IL1RAPL2: variants seen among roughly 807,000 people sequenced by gnomAD.
The protein encoded by IL1RAPL2 is interleukin 1 receptor accessory protein like 2, also known as X-linked interleukin-1 receptor accessory protein-like 2.
A neutral mutation model predicts 44.1 loss-of-function variants in IL1RAPL2; 3 were observed. The ratio of observed to expected loss-of-function variants is 0.07; its 90% CI spans 0.03 to 0.18. The LOEUF is 0.18. Among genes scored for constraint, IL1RAPL2 ranks in the 10% least tolerant of loss-of-function variants. The pLI is 1.00. For synonymous variants in IL1RAPL2, 181 were observed against 178.8 expected (o/e 1.01, Z -0.10); for missense variants, 391 against 496.4 (o/e 0.79, Z 2.02).
At chrX:105,429,317 G>A (rs142740566) in intron 5 of IL1RAPL2, among the ~76,000 whole-genome samples, 42 of 111,950 alleles carry the variant, frequency 3.8e-4, no homozygotes, top group African/African-American at 1.3e-3. Flanking sequence ...AGCTCTAGGA[G>A]CATCATGAAA....
intron 2 of IL1RAPL2, among the ~76,000 whole-genome samples, chrX:105,004,242 A>G (rs896778303): frequency 9.1e-6 from 1 of 110,419 alleles, no homozygotes; most frequent in Non-Finnish European, 1.9e-5. Context: ...CTTGGTTTCA[A>G]ATGATGAGTG....
At chrX:105,601,538 C>T (rs1002576134) in intron 6 of IL1RAPL2, among the ~76,000 whole-genome samples, 11 of 111,365 alleles carry the variant, frequency 9.9e-5, no homozygotes, top group African/African-American at 3.6e-4. Flanking sequence ...GCAAGAGGCT[C>T]TCAGCAGCGC....
At chrX:104,594,250 G>T (rs1262528387) in intron 1 of IL1RAPL2, among the ~76,000 whole-genome samples, 1 of 112,281 alleles carries the variant, frequency 8.9e-6, no homozygotes, top group Non-Finnish European at 1.9e-5. Context: ...TTGAAGCCAA[G>T]AAATCAGAAT....
chrX:105,220,360 C>T lies in IL1RAPL2; in HGVS notation c.357-13458C>T, dbSNP rs782635027. Reference sequence around the variant, plus strand: ...GATGAAGGCCACCACGTTGCTATGCCGGAACCCGCTACTGGGGTCCTCAGG... The same window carrying T: ...GATGAAGGCCACCACGTTGCTATGCTGGAACCCGCTACTGGGGTCCTCAGG... On this transcript the variant is annotated intron_variant, in intron 3 of 10. Transcript: ENST00000372582. 5.8e-6 allele frequency: 7 copies of T among 1,197,584 alleles called. No individual in the cohort carries two copies. The East Asian group carries it at 8.9e-5, about 15-fold the overall frequency.
intron 10 of IL1RAPL2, among the ~76,000 whole-genome samples, chrX:105,759,384 A>C (rs2147594435): frequency 8.9e-6 from 1 of 112,055 alleles, no homozygotes; most frequent in Admixed American, 9.5e-5. Flanking sequence ...TTGAAGAGAA[A>C]AAAAATCCTT....
intron 2 of IL1RAPL2, among the ~76,000 whole-genome samples, chrX:104,811,320 T>C (rs1048388280): frequency 2.7e-5 from 3 of 111,727 alleles, no homozygotes; most frequent in African/African-American, 9.8e-5. Flanking sequence ...GCAGGTCACA[T>C]GTAACCCATT....
intron 5 of IL1RAPL2, among the ~76,000 whole-genome samples, chrX:105,334,751 G>A (rs1422573933): frequency 9.1e-6 from 1 of 109,931 alleles, no homozygotes; most frequent in Non-Finnish European, 1.9e-5. Flanking sequence ...ATATTGAATT[G>A]GGAGCTTTGT....
intron 2 of IL1RAPL2, among the ~76,000 whole-genome samples, chrX:104,762,923 G>T (rs1932489225): frequency 8.9e-6 from 1 of 112,186 alleles, no homozygotes; most frequent in Non-Finnish European, 1.9e-5. Context: ...CAGCTGCCAT[G>T]AAGACCTCTA....
intron 2 of IL1RAPL2, among the ~76,000 whole-genome samples, chrX:104,992,050 G>T (rs1009350534): frequency 4.5e-5 from 5 of 111,384 alleles, no homozygotes; most frequent in African/African-American, 1.6e-4. Context: ...GGCAAGTGTG[G>T]CTTCTTGAAA....
intron 2 of IL1RAPL2, among the ~76,000 whole-genome samples, chrX:105,019,832 A>T (rs1028933413): frequency 9.0e-6 from 1 of 111,502 alleles, no homozygotes; most frequent in African/African-American, 3.3e-5. Context: ...TATAAAATTC[A>T]TATAAAGGAT....
intron 5 of IL1RAPL2, among the ~76,000 whole-genome samples, chrX:105,337,282 A>G (rs2035035634): frequency 8.9e-6 from 1 of 112,104 alleles, no homozygotes; most frequent in South Asian, 3.7e-4. Context: ...AACCCAAGGC[A>G]GACTATAAGA....
At chrX:105,494,291 G>GA (rs967600624) in intron 6 of IL1RAPL2, among the ~76,000 whole-genome samples, 16 of 107,991 alleles carry the variant, frequency 1.5e-4, no homozygotes, top group Non-Finnish European at 2.7e-4. Context: ...ATCTGGAAAA[G>GA]AAAAAAAAAT....
intron 2 of IL1RAPL2, among the ~76,000 whole-genome samples, chrX:104,670,145 C>T (rs149156877): frequency 0.019 from 2,115 of 111,193 alleles, 28 homozygotes; most frequent in Middle Eastern, 0.061. Flanking sequence ...AGGAGGAAGT[C>T]AGTAGTGGCT....
chrX:104,619,128 C>A (rs1451000187), intron 1 of IL1RAPL2, among the ~76,000 whole-genome samples: 4 of 112,127 alleles, frequency 3.6e-5, no homozygotes, highest in Non-Finnish European at 7.5e-5. Flanking sequence ...TTCCACAGTT[C>A]TGGCTGTGGA....
chrX:104,642,502 T>C (rs1251835289), intron 1 of IL1RAPL2, among the ~76,000 whole-genome samples: 1 of 111,383 alleles, frequency 9.0e-6, no homozygotes, highest in African/African-American at 3.3e-5. Context: ...CTTTTTTTTT[T>C]TGACGGAGTT....
intron 6 of IL1RAPL2, among the ~76,000 whole-genome samples, chrX:105,499,697 C>T (rs754576791): frequency 9.0e-6 from 1 of 111,607 alleles, no homozygotes; most frequent in East Asian, 2.9e-4. Context: ...TGAGCTATCA[C>T]CTCATACCTG....
intron 5 of IL1RAPL2, among the ~76,000 whole-genome samples, chrX:105,381,466 T>G (rs1264947229): frequency 9.0e-6 from 1 of 111,418 alleles, no homozygotes; most frequent in African/African-American, 3.3e-5. Flanking sequence ...TAAAGTAAAA[T>G]GTACGTAGGC....
intron 2 of IL1RAPL2, among the ~76,000 whole-genome samples, chrX:104,851,385 C>G (rs1017299041): frequency 9.0e-6 from 1 of 111,644 alleles, no homozygotes; most frequent in African/African-American, 3.3e-5. Flanking sequence ...AGTTCTCAAA[C>G]CAGAAGGATC....
chrX:105,205,735 T>C (rs782633410), intron 3 of IL1RAPL2, among the ~76,000 whole-genome samples: 33 of 104,582 alleles, frequency 3.2e-4, no homozygotes, highest in Non-Finnish European at 6.0e-4. Flanking sequence ...TTGCATATTG[T>C]GGACCAGAAT....
Sources: allele counts gnomAD v4.1 joint callset (sites outside exome capture counted in the v4.1 genomes callset), GRCh38; gene constraint gnomAD v4.1.1; transcripts MANE v1.5; gene names NCBI Gene and HGNC (gene_info 2026-07-23, HGNC 2026-07-21).